TSHZ2: variants seen among roughly 807,000 people sequenced by gnomAD.
TSHZ2 encodes the protein teashirt zinc finger homeobox 2, also known as teashirt homolog 2.
Under a neutral mutation model 74.4 loss-of-function variants are expected in TSHZ2, and 21 were observed. The ratio of observed to expected loss-of-function variants is 0.28; its 90% CI spans 0.20 to 0.41. TSHZ2 has a LOEUF of 0.41. Ranked by LOEUF, TSHZ2 falls within the 10% of genes least tolerant of loss-of-function variation. The pLI is 1.00. For synonymous variants in TSHZ2, 540 were observed against 515.3 expected, an observed-to-expected ratio of 1.05 and a Z score of -0.65; for missense variants, 1,244 against 1,293.5, an observed-to-expected ratio of 0.96 and a Z score of 0.59.
At chr20:53,033,113 A>G (rs1307721479) in intron 1 of TSHZ2, among the ~76,000 whole-genome samples, 1 of 152,246 alleles carries the variant, frequency 6.6e-6, no homozygotes, top group Non-Finnish European at 1.5e-5. Context: ...AGATTAAGTA[A>G]GTAGATGCTA....
rs140033554 is a variant in TSHZ2 at position 53,471,182 on chromosome 20, T to C, written c.*9-15962T>C. Among the ~76,000 whole-genome samples, 16 of 152,364 alleles carry C rather than the reference T, an allele frequency of 1.1e-4. No individual in the cohort carries two copies. The South Asian group carries it at 1.7e-3, about 16-fold the overall frequency. On this transcript the variant is annotated intron_variant, in intron 2 of 2. Coordinates refer to ENST00000371497, the MANE Select transcript of TSHZ2 (RefSeq NM_173485.6). ...TCCATGCTCTAAGTTGTTTCTTTCA[T>C]AGAATTAGAGAAATAGGATTCTAGG...
intron 2 of TSHZ2, among the ~76,000 whole-genome samples, chr20:53,305,557 T>G (rs982491225): frequency 6.6e-6 from 1 of 152,222 alleles, no homozygotes; most frequent in African/African-American, 2.4e-5. Flanking sequence ...CAGGGTCTCT[T>G]CATTTCCTGC....
chr20:53,437,010 C>T (rs773019357), intron 2 of TSHZ2, among the ~76,000 whole-genome samples: 2 of 152,216 alleles, frequency 1.3e-5, no homozygotes, highest in Non-Finnish European at 2.9e-5. Context: ...TCAAACACCA[C>T]CTCCTCCAGA....
chr20:53,461,072 G>A (rs1341310995), intron 2 of TSHZ2, among the ~76,000 whole-genome samples: 2 of 152,310 alleles, frequency 1.3e-5, no homozygotes, highest in South Asian at 2.1e-4. Context: ...GCTCCACCCA[G>A]TTCGAGCTTC....
intron 2 of TSHZ2, among the ~76,000 whole-genome samples, chr20:53,261,572 G>A (rs143898245): frequency 3.1e-4 from 47 of 152,232 alleles, no homozygotes; most frequent in African/African-American, 1.1e-3. Flanking sequence ...CTTAACGTTT[G>A]CATTTTTTCA....
chr20:53,205,821 T>C (rs759245921), intron 1 of TSHZ2, among the ~76,000 whole-genome samples: 2 of 152,234 alleles, frequency 1.3e-5, no homozygotes, highest in Non-Finnish European at 1.5e-5. Context: ...GTGTGAGCTT[T>C]AGGTTCAGAT....
chr20:53,396,455 A>G (rs1982449544), intron 2 of TSHZ2, among the ~76,000 whole-genome samples: 1 of 152,202 alleles, frequency 6.6e-6, no homozygotes, highest in Non-Finnish European at 1.5e-5. Context: ...CCATCAAAAA[A>G]TGAAACAGTC....
intron 2 of TSHZ2, among the ~76,000 whole-genome samples, chr20:53,320,824 GA>G (rs1295611346): frequency 1.3e-5 from 2 of 152,198 alleles, no homozygotes; most frequent in East Asian, 1.9e-4. Context: ...GTGGTCGGGG[GA>G]CATGTCTGTA....
chr20:53,280,817 C>A (rs1376950979), intron 2 of TSHZ2, among the ~76,000 whole-genome samples: 1 of 152,104 alleles, frequency 6.6e-6, no homozygotes, highest in African/African-American at 2.4e-5. Context: ...CTCAACCTCC[C>A]GAGTAGCTGG....
intron 1 of TSHZ2, among the ~76,000 whole-genome samples, chr20:53,123,546 A>G (rs1435608334): frequency 1.3e-5 from 2 of 152,142 alleles, no homozygotes; most frequent in East Asian, 3.8e-4. Context: ...TCTTACATCA[A>G]TGGCTGAGGG....
chr20:53,468,644 A>G (rs1985632949), intron 2 of TSHZ2, among the ~76,000 whole-genome samples: 1 of 147,942 alleles, frequency 6.8e-6, no homozygotes, highest in African/African-American at 2.5e-5. Flanking sequence ...AGTTGATTAT[A>G]TAAGGTAGAG....
At chr20:53,130,339 G>C (rs1296365427) in intron 1 of TSHZ2, among the ~76,000 whole-genome samples, 1 of 152,030 alleles carries the variant, frequency 6.6e-6, no homozygotes, top group Non-Finnish European at 1.5e-5. Flanking sequence ...AAGTAACTGG[G>C]TCAGCCAGGT....
intron 1 of TSHZ2, among the ~76,000 whole-genome samples, chr20:53,094,811 A>G (rs1012164615): frequency 1.3e-5 from 2 of 152,196 alleles, no homozygotes; most frequent in Admixed American, 6.5e-5. Flanking sequence ...TTTTTCTCAT[A>G]TTATGAATAG....
At chr20:53,421,847 G>A (rs1017462041) in intron 2 of TSHZ2, among the ~76,000 whole-genome samples, 14 of 151,610 alleles carry the variant, frequency 9.2e-5, no homozygotes, top group Middle Eastern at 3.4e-3. Flanking sequence ...CATGCCCGGC[G>A]AATTTTTGTA....
chr20:53,048,599 C>T (rs1984315757), intron 1 of TSHZ2, among the ~76,000 whole-genome samples: 1 of 152,198 alleles, frequency 6.6e-6, no homozygotes, highest in South Asian at 2.1e-4. Context: ...CGGGCGTGGG[C>T]AGCAGGAAAG....
At chr20:53,383,212 G>A (rs751778019) in intron 2 of TSHZ2, among the ~76,000 whole-genome samples, 8 of 151,172 alleles carry the variant, frequency 5.3e-5, no homozygotes, top group African/African-American at 1.2e-4. Flanking sequence ...GCAGTGAGCC[G>A]AGATTGTGCC....
At chr20:53,033,371 G>A (rs1045464796) in intron 1 of TSHZ2, among the ~76,000 whole-genome samples, 1 of 152,156 alleles carries the variant, frequency 6.6e-6, no homozygotes, top group African/African-American at 2.4e-5. Context: ...CAGTGTCAAT[G>A]TGTGATGTGA....
intron 2 of TSHZ2, among the ~76,000 whole-genome samples, chr20:53,441,086 G>A (rs1227497171): frequency 6.6e-6 from 1 of 152,148 alleles, no homozygotes; most frequent in African/African-American, 2.4e-5. Context: ...AATTTCTTAG[G>A]GAGGTGGCAT....
intron 2 of TSHZ2, among the ~76,000 whole-genome samples, chr20:53,472,786 G>T (rs1411588031): frequency 6.6e-6 from 1 of 151,204 alleles, no homozygotes; most frequent in Non-Finnish European, 1.5e-5. Context: ...GTGGGCGCAG[G>T]TCAGTGGGTG....
Sources: allele counts gnomAD v4.1 joint callset (sites outside exome capture counted in the v4.1 genomes callset), GRCh38; gene constraint gnomAD v4.1.1; transcripts MANE v1.5; gene names NCBI Gene and HGNC (gene_info 2026-07-23, HGNC 2026-07-21).